The following BRD10 variants were observed in gnomAD, a reference collection of about 807,000 sequenced individuals.
BRD10 encodes the protein bromodomain containing 10.
chr9:5,890,206 T>A, the BRD10 span, among the ~76,000 whole-genome samples: 1 of 152,212 alleles, frequency 6.6e-6, no homozygotes, highest in Non-Finnish European at 1.5e-5. Flanking sequence ...GTGTGAGATA[T>A]GCCTCCCTCA....
At chr9:5,984,435 A>G in the BRD10 span, among the ~76,000 whole-genome samples, 4 of 152,236 alleles carry the variant, frequency 2.6e-5, no homozygotes, top group African/African-American at 7.2e-5. Flanking sequence ...AACTACTTTG[A>G]AAAAATAAAA....
chr9:5,907,125 C>A, the BRD10 span: 1 of 497,156 alleles, frequency 2.0e-6, no homozygotes, highest in Non-Finnish European at 3.3e-6. Context: ...CTATATACAC[C>A]TAAAAATGGT....
At chr9:5,937,219 A>T in the BRD10 span, among the ~76,000 whole-genome samples, 8 of 144,186 alleles carry the variant, frequency 5.5e-5, no homozygotes, top group African/African-American at 1.8e-4. Context: ...ATAGAGCAAG[A>T]CTCTGCCTCA....
the BRD10 span, among the ~76,000 whole-genome samples, chr9:5,948,010 T>G: frequency 6.6e-6 from 1 of 152,146 alleles, no homozygotes; most frequent in Non-Finnish European, 1.5e-5. Context: ...GAGGAGGTTT[T>G]CAGTCAAGCC....
At chr9:6,003,997 G>GA in the BRD10 span, among the ~76,000 whole-genome samples, 1 of 152,304 alleles carries the variant, frequency 6.6e-6, no homozygotes, top group South Asian at 2.1e-4. Context: ...GTAGTTTCCA[G>GA]AAATACTATG....
chr9:5,929,203 A>C, the BRD10 span: 3 of 1,000,792 alleles, frequency 3.0e-6, no homozygotes, highest in Non-Finnish European at 4.6e-6. Flanking sequence ...TTATTCTAAA[A>C]GTAAATGTCA....
At chr9:6,007,838 G>A in the BRD10 span, 6 of 1,392,974 alleles carry the variant, frequency 4.3e-6, no homozygotes, top group African/African-American at 3.1e-5. Context: ...CGAGGTGCTG[G>A]GGGACGCGTG....
At chr9:5,963,944 T>C in the BRD10 span, among the ~76,000 whole-genome samples, 5 of 151,400 alleles carry the variant, frequency 3.3e-5, no homozygotes, top group Non-Finnish European at 7.4e-5. Flanking sequence ...CCTAAAACCA[T>C]AAAAACCCTA....
At chr9:5,889,512 C>T in the BRD10 span, among the ~76,000 whole-genome samples, 5 of 152,278 alleles carry the variant, frequency 3.3e-5, no homozygotes, top group Middle Eastern at 3.4e-3. Flanking sequence ...TGAGGCTGGG[C>T]GCGGTGGCTC....
chr9:5,923,971 G>T, the BRD10 span, among the ~76,000 whole-genome samples: 7 of 152,206 alleles, frequency 4.6e-5, no homozygotes, highest in South Asian at 1.5e-3. Context: ...AAACTGAAAT[G>T]AATTACAGGT....
chr9:5,944,380 G>GA, the BRD10 span, among the ~76,000 whole-genome samples: 3 of 150,728 alleles, frequency 2.0e-5, no homozygotes, highest in African/African-American at 7.4e-5. Context: ...ACGATATAGT[G>GA]AAAGTTAAAA....
chr9:5,929,974 T>A, the BRD10 span, among the ~76,000 whole-genome samples: 1 of 152,124 alleles, frequency 6.6e-6, no homozygotes, highest in Non-Finnish European at 1.5e-5. Flanking sequence ...GAATTCAATC[T>A]GACACAGGCT....
the BRD10 span, among the ~76,000 whole-genome samples, chr9:5,959,543 A>G: frequency 6.6e-5 from 10 of 152,206 alleles, no homozygotes; most frequent in Admixed American, 5.9e-4. Context: ...CAAAAAGTAG[A>G]AGGATTGAAA....
chr9:5,919,989 G>T, the BRD10 span: 1 of 1,614,002 alleles, frequency 6.2e-7, no homozygotes, highest in Non-Finnish European at 8.5e-7. Flanking sequence ...ACTGAAGTCA[G>T]TGATACTGTT....
the BRD10 span, among the ~76,000 whole-genome samples, chr9:5,965,327 A>C: frequency 2.0e-4 from 31 of 152,108 alleles, no homozygotes; most frequent in Admixed American, 4.6e-4. Flanking sequence ...CAAAAAAAAA[A>C]CACTACGTTA....
At chr9:5,921,298 A>G in the BRD10 span, 10 of 1,613,928 alleles carry the variant, frequency 6.2e-6, no homozygotes, top group Non-Finnish European at 8.5e-6. Context: ...TCTGAGACAC[A>G]GCTGGTGATG....
the BRD10 span, among the ~76,000 whole-genome samples, chr9:5,965,732 C>G: frequency 6.6e-6 from 1 of 152,140 alleles, no homozygotes; most frequent in Non-Finnish European, 1.5e-5. Flanking sequence ...CAATGTGAAT[C>G]TTTAAGAGGA....
the BRD10 span, chr9:5,897,934 A>T: frequency 3.1e-6 from 1 of 321,548 alleles, no homozygotes; most frequent in East Asian, 5.7e-5. Flanking sequence ...TTTGGTTTAC[A>T]GTTGGGAGGC....
the BRD10 span, among the ~76,000 whole-genome samples, chr9:5,892,962 G>A: frequency 3.9e-5 from 6 of 152,138 alleles, no homozygotes; most frequent in African/African-American, 1.2e-4. Flanking sequence ...TAAGGATGAC[G>A]GGCAGGTGTG....
Sources: allele counts gnomAD v4.1 joint callset (sites outside exome capture counted in the v4.1 genomes callset), GRCh38; gene constraint gnomAD v4.1.1; transcripts MANE v1.5; gene names NCBI Gene and HGNC (gene_info 2026-07-23, HGNC 2026-07-21).